ESRRB: variants seen among roughly 807,000 people sequenced by gnomAD.
ESRRB encodes steroid hormone receptor ERR2.
ESRRB carries 16 observed loss-of-function variants against 46.0 expected under a neutral mutation model. That is an observed-to-expected ratio of 0.35 (90% CI 0.24 to 0.53). The LOEUF (loss-of-function observed/expected upper bound fraction) is 0.53, where lower values mean the gene tolerates loss of function less well. Ranked by LOEUF, ESRRB falls within the 20% of genes least tolerant of loss-of-function variation. ESRRB has a pLI of 0.93. For synonymous variants in ESRRB, 246 were observed against 259.6 expected, an observed-to-expected ratio of 0.95 and a Z score of 0.50; for missense variants, 488 against 607.4, an observed-to-expected ratio of 0.80 and a Z score of 2.07.
At chr14:76,361,310 G>C (rs1458610701) in intron 1 of ESRRB, among the ~76,000 whole-genome samples, 4 of 152,144 alleles carry the variant, frequency 2.6e-5, no homozygotes, top group Non-Finnish European at 5.9e-5. Flanking sequence ...TGGGAGGCTG[G>C]GATGTAAAGG....
chr14:76,378,495 G>GT (rs11444650), intron 1 of ESRRB, among the ~76,000 whole-genome samples: 5,707 of 150,876 alleles, frequency 0.038, 174 homozygotes, highest in East Asian at 0.13. Flanking sequence ...ACCCTTTCCG[G>GT]TTTTTTTTTG....
At chr14:76,331,253 G>A (rs1884010101) in intron 1 of ESRRB, among the ~76,000 whole-genome samples, 1 of 152,186 alleles carries the variant, frequency 6.6e-6, no homozygotes, top group African/African-American at 2.4e-5. Flanking sequence ...TCCCTGGCCT[G>A]AGTGCCTGGT....
Position 76,500,467 on chromosome 14 carries a change from C to A in ESRRB, c.*2009C>A. 1.7e-6 allele frequency: 1 copy of A among 597,266 alleles called. No individual in the cohort carries two copies. The allele number at this position is 597,266 out of a possible 1,614,324, so 37.0% of individuals were successfully genotyped here. A position where few individuals can be genotyped will look rare whatever the true frequency, so the allele number is the denominator to read the frequency against. On this transcript the variant is annotated 3_prime_UTR_variant, in exon 7 of 7. Transcript: ENST00000644823. ...GCATCAAGGAACACCAGCTACAAAC[C>A]AAGTCTAGCACAGTGTTTAGAGGCT...
At chr14:76,429,685 G>A (rs1048568896) in intron 1 of ESRRB, among the ~76,000 whole-genome samples, 38 of 152,294 alleles carry the variant, frequency 2.5e-4, no homozygotes, top group African/African-American at 9.1e-4. Context: ...GGGAGGTAGT[G>A]GTTGTGGTGA....
intron 3 of ESRRB, among the ~76,000 whole-genome samples, chr14:76,467,895 G>A (rs1200254518): frequency 6.6e-6 from 1 of 151,958 alleles, no homozygotes; most frequent in Admixed American, 6.6e-5. Context: ...CACGCGACCG[G>A]CCTCCCAAGC....
intron 1 of ESRRB, among the ~76,000 whole-genome samples, chr14:76,411,127 C>T (rs977170459): frequency 2.0e-5 from 3 of 151,886 alleles, no homozygotes; most frequent in Non-Finnish European, 2.9e-5. Flanking sequence ...TCGTTTTGTC[C>T]ACTTATACCC....
At chr14:76,400,386 C>A (rs1330051271) in intron 1 of ESRRB, among the ~76,000 whole-genome samples, 1 of 152,128 alleles carries the variant, frequency 6.6e-6, no homozygotes, top group African/African-American at 2.4e-5. Flanking sequence ...ATCTGAAGAC[C>A]GTTGCAGATT....
At chr14:76,334,663 C>A (rs747284598) in intron 1 of ESRRB, among the ~76,000 whole-genome samples, 8 of 152,164 alleles carry the variant, frequency 5.3e-5, no homozygotes, top group Non-Finnish European at 1.2e-4. Flanking sequence ...GGTGGCTGGC[C>A]CCGAAGACAT....
intron 2 of ESRRB, among the ~76,000 whole-genome samples, chr14:76,447,567 G>T (rs1194163890): frequency 1.3e-5 from 2 of 152,060 alleles, no homozygotes; most frequent in Non-Finnish European, 2.9e-5. Flanking sequence ...TGCCCCAGAA[G>T]CACCCCAGTT....
At chr14:76,400,680 G>C (rs1402697777) in intron 1 of ESRRB, among the ~76,000 whole-genome samples, 1 of 152,190 alleles carries the variant, frequency 6.6e-6, no homozygotes, top group East Asian at 1.9e-4. Flanking sequence ...CTAGAACCCA[G>C]AAACTGGAAA....
chr14:76,396,170 T>C (rs1885670428), intron 1 of ESRRB, among the ~76,000 whole-genome samples: 1 of 143,374 alleles, frequency 7.0e-6, no homozygotes, highest in Non-Finnish European at 1.5e-5. Flanking sequence ...AGACTCCGTA[T>C]CAAACAAAAA....
intron 5 of ESRRB, among the ~76,000 whole-genome samples, chr14:76,489,211 C>T (rs1890124466): frequency 6.6e-6 from 1 of 151,942 alleles, no homozygotes; most frequent in Admixed American, 6.6e-5. Context: ...ATCTCCCCTC[C>T]AGTCTGTCTG....
chr14:76,352,738 G>C (rs1475864681), intron 1 of ESRRB, among the ~76,000 whole-genome samples: 1 of 152,238 alleles, frequency 6.6e-6, no homozygotes, highest in Non-Finnish European at 1.5e-5. Context: ...GATATTACTA[G>C]TGTAACTTTT....
rs182386921 is a variant in ESRRB, at chr14:76,396,930, G to A, written c.50+20479G>A. ...AGTCGCTGGAGGATCGTGACTACCC[G>A]AGTGGGTGGTTGCTCACCTGCCCAG... On this transcript the variant is annotated intron_variant, in intron 1 of 6. Transcript: ENST00000644823. Among the ~76,000 whole-genome samples the A allele has an allele frequency of 4.1e-3, 632 of 152,320 alleles. 7 individuals carry two copies. The highest frequency in any genetic ancestry group is 0.014 in the African/African-American group (579 of 41,574).
chr14:76,336,550 C>T (rs889724977), intron 1 of ESRRB, among the ~76,000 whole-genome samples: 1 of 152,214 alleles, frequency 6.6e-6, no homozygotes, highest in African/African-American at 2.4e-5. Context: ...GTCCCTGACA[C>T]CCTCTTCATG....
intron 1 of ESRRB, among the ~76,000 whole-genome samples, chr14:76,384,403 C>T (rs983061148): frequency 6.6e-6 from 1 of 152,144 alleles, no homozygotes; most frequent in Non-Finnish European, 1.5e-5. Flanking sequence ...GTGACCGTTT[C>T]TTGCTCCCAA....
chr14:76,408,230 G>A (rs1367997303), intron 1 of ESRRB, among the ~76,000 whole-genome samples: 2 of 152,196 alleles, frequency 1.3e-5, no homozygotes, highest in Non-Finnish European at 2.9e-5. Context: ...CACCTTCTAC[G>A]AAGACACAAA....
upstream of ESRRB, among the ~76,000 whole-genome samples, chr14:76,374,569 G>A (rs745630421): frequency 3.9e-5 from 6 of 152,168 alleles, no homozygotes; most frequent in Non-Finnish European, 8.8e-5. Context: ...GCTGCTGTGT[G>A]CCTGGAGAAT....
intron 1 of ESRRB, among the ~76,000 whole-genome samples, chr14:76,383,395 A>G (rs891414068): frequency 6.6e-6 from 1 of 151,666 alleles, no homozygotes. Context: ...GATGCCTGAT[A>G]AAGGGTCTTT....
Sources: allele counts gnomAD v4.1 joint callset (sites outside exome capture counted in the v4.1 genomes callset), GRCh38; gene constraint gnomAD v4.1.1; transcripts MANE v1.5; gene names NCBI Gene and HGNC (gene_info 2026-07-23, HGNC 2026-07-21).